TTC27: variants seen among roughly 807,000 people sequenced by gnomAD.
TTC27 encodes the protein tetratricopeptide repeat domain 27, also known as tetratricopeptide repeat protein 27.
Under a neutral mutation model 115.9 loss-of-function variants are expected in TTC27, and 79 were observed. That is an observed-to-expected ratio of 0.68 (90% CI 0.57 to 0.82). TTC27 has a LOEUF of 0.82. Among genes scored for constraint, TTC27 ranks in the 40% least tolerant of loss-of-function variants. TTC27 has a pLI of 0.00. For synonymous variants in TTC27, 401 were observed against 356.0 expected, an observed-to-expected ratio of 1.13 and a Z score of -1.42; for missense variants, 1,054 against 993.1, an observed-to-expected ratio of 1.06 and a Z score of -0.82.
At chr2:32,700,613 C>G (rs1183484211) in intron 9 of TTC27, among the ~76,000 whole-genome samples, 1 of 152,176 alleles carries the variant, frequency 6.6e-6, no homozygotes, top group African/African-American at 2.4e-5. Flanking sequence ...TCTCGGCTCA[C>G]TGCAACCTCC....
intron 16 of TTC27, among the ~76,000 whole-genome samples, chr2:32,795,357 A>G (rs1271128009): frequency 6.6e-6 from 1 of 151,948 alleles, no homozygotes; most frequent in African/African-American, 2.4e-5. Context: ...ATCTCACCTG[A>G]TTATCTCAAT....
At chr2:32,790,069 T>C (rs1286950886) in intron 16 of TTC27, among the ~76,000 whole-genome samples, 1 of 151,808 alleles carries the variant, frequency 6.6e-6, no homozygotes, top group African/African-American at 2.4e-5. Flanking sequence ...ATTTTCCTAG[T>C]ATGAATTCAG....
At chr2:32,810,979 G>GT in intron 16 of TTC27, 45 bp from the exon 17 acceptor site, 1 of 1,592,780 alleles carries the variant, frequency 6.3e-7, no homozygotes, top group South Asian at 1.1e-5. Flanking sequence ...TTTTGTTATT[G>GT]TTTGTTGGTT....
At chr2:32,808,539 C>T (rs1403130037) in intron 16 of TTC27, among the ~76,000 whole-genome samples, 1 of 152,156 alleles carries the variant, frequency 6.6e-6, no homozygotes, top group African/African-American at 2.4e-5. Context: ...CCCTGTCTAC[C>T]CCCCACAACA....
chr2:32,730,087 G>A (rs1426985345), intron 10 of TTC27, among the ~76,000 whole-genome samples: 4 of 152,104 alleles, frequency 2.6e-5, no homozygotes, highest in South Asian at 4.1e-4. Flanking sequence ...GAGGCTTCAC[G>A]TGCATTCAGT....
intron 12 of TTC27, among the ~76,000 whole-genome samples, chr2:32,752,490 G>C (rs940203682): frequency 6.6e-6 from 1 of 152,196 alleles, no homozygotes; most frequent in Non-Finnish European, 1.5e-5. Flanking sequence ...GCTTGAGTTA[G>C]CACTGCGAAT....
intron 13 of TTC27, among the ~76,000 whole-genome samples, chr2:32,767,514 T>G (rs1349912518): frequency 2.2e-5 from 3 of 136,934 alleles, no homozygotes; most frequent in Non-Finnish European, 4.6e-5. Context: ...GACTGCGGAC[T>G]GCAGTGGCGC....
chr2:32,670,352 G>A (rs1207361488), intron 7 of TTC27, among the ~76,000 whole-genome samples: 2 of 152,152 alleles, frequency 1.3e-5, no homozygotes, highest in Non-Finnish European at 2.9e-5. Context: ...ATGAAAAAAA[G>A]TTTCTCCAAA....
At chr2:32,801,669 G>C (rs1558351399) in intron 16 of TTC27, among the ~76,000 whole-genome samples, 1 of 152,166 alleles carries the variant, frequency 6.6e-6, no homozygotes, top group African/African-American at 2.4e-5. Context: ...TGAGAACAGC[G>C]GTGTTCATGA....
intron 10 of TTC27, among the ~76,000 whole-genome samples, chr2:32,712,722 T>G (rs1667623675): frequency 6.6e-6 from 1 of 152,082 alleles, no homozygotes; most frequent in African/African-American, 2.4e-5. Flanking sequence ...AATTTTTGTA[T>G]TTTTTATAGA....
At chr2:32,761,342 C>T (rs368101229) in intron 13 of TTC27, among the ~76,000 whole-genome samples, 1 of 152,120 alleles carries the variant, frequency 6.6e-6, no homozygotes, top group Non-Finnish European at 1.5e-5. Context: ...GGTCCAAATC[C>T]CCATTGTCTT....
intron 9 of TTC27, among the ~76,000 whole-genome samples, chr2:32,694,198 TG>T (rs1174849876): frequency 9.2e-5 from 14 of 152,232 alleles, no homozygotes; most frequent in Admixed American, 9.2e-4. Flanking sequence ...AATAAAAATA[TG>T]AATTATAAGA....
chr2:32,758,477 T>C lies in TTC27; in HGVS notation c.1638T>C (p.Cys546=). 1 of 1,614,148 alleles carries C rather than the reference T, an allele frequency of 6.2e-7. No individual in the cohort carries two copies. The highest frequency in any genetic ancestry group is 1.1e-5 in the South Asian group (1 of 91,088). ...TTCGGAACAAGGAGTTTCAAGAGTG[T>C]GTAGAGTGCTTCGAACGCTCGGTTA... The part of the protein sequence containing the change: ...LHLRNKEFQE[C]VECFERSVKI... The change falls in exon 13 of 20, where the codon TGT becomes TGC. Residue 546 remains cysteine, a synonymous_variant. Transcript: ENST00000317907.
chr2:32,753,788 G>A (rs1026485188), intron 12 of TTC27, among the ~76,000 whole-genome samples: 1 of 152,100 alleles, frequency 6.6e-6, no homozygotes, highest in Non-Finnish European at 1.5e-5. Flanking sequence ...AAACTGGGCC[G>A]GGCACAGTGG....
chr2:32,793,011 C>G (rs1052324352), intron 16 of TTC27, among the ~76,000 whole-genome samples: 1 of 152,040 alleles, frequency 6.6e-6, no homozygotes, highest in Non-Finnish European at 1.5e-5. Context: ...AGGGTTGGGA[C>G]AGAGAATGAA....
At chr2:32,691,071 G>C (rs772913468) in intron 9 of TTC27, among the ~76,000 whole-genome samples, 2 of 152,130 alleles carry the variant, frequency 1.3e-5, no homozygotes, top group Non-Finnish European at 2.9e-5. Context: ...CATTTAAAGG[G>C]ATCCTAGTGA....
intron 16 of TTC27, among the ~76,000 whole-genome samples, chr2:32,797,609 C>T (rs1448977202): frequency 1.3e-5 from 2 of 152,154 alleles, no homozygotes; most frequent in African/African-American, 2.4e-5. Flanking sequence ...CACATGCTAA[C>T]TCAAAATGAA....
intron 13 of TTC27, among the ~76,000 whole-genome samples, chr2:32,772,873 A>G (rs145416687): frequency 6.6e-6 from 1 of 152,236 alleles, no homozygotes; most frequent in Non-Finnish European, 1.5e-5. Flanking sequence ...TGGAGAACTC[A>G]GGAATTTTAG....
At chr2:32,685,015 C>CTTTTTTTTTTT (rs70938361) in intron 9 of TTC27, among the ~76,000 whole-genome samples, 3 of 116,312 alleles carry the variant, frequency 2.6e-5, no homozygotes, top group Non-Finnish European at 3.5e-5. Context: ...TTGCCTTTTC[C>CTTTTTTTTTTT]TTTTTTTTTT....
Sources: gnomAD v4.1 joint callset for allele counts (sites outside exome capture counted in the v4.1 genomes callset) on GRCh38, gnomAD v4.1.1 for gene constraint, MANE v1.5 for transcripts, NCBI Gene and HGNC (gene_info 2026-07-23, HGNC 2026-07-21) for gene names.